Variants in BPIFB6 observed in about 807,000 individuals in gnomAD.
BPIFB6 encodes the protein BPI fold-containing family B member 6.
Under a neutral mutation model 54.7 loss-of-function variants are expected in BPIFB6, and 47 were observed. The ratio of observed to expected loss-of-function variants is 0.86; its 90% confidence interval spans 0.68 to 1.10. The LOEUF (loss-of-function observed/expected upper bound fraction) is 1.10, where lower values mean the gene tolerates loss of function less well. Among genes scored for constraint, BPIFB6 ranks in the 50% least tolerant of loss-of-function variants. The pLI is 0.00. For missense variants in BPIFB6, 603 were observed against 564.1 expected, an observed-to-expected ratio of 1.07 and a Z score of -0.70; for synonymous variants, 255 against 225.9, an observed-to-expected ratio of 1.13 and a Z score of -1.16.
intron 5 of BPIFB6, 123 bp downstream of exon 5, chr20:33,035,267 G>A: frequency 2.0e-6 from 2 of 1,013,846 alleles, no homozygotes; most frequent in Non-Finnish European, 3.0e-6. Flanking sequence ...AGGGTTCTGA[G>A]ACTGTGGCTG....
chr20:33,035,788 A>G, intron 6 of BPIFB6, 116 bp downstream of exon 6: 1 of 1,080,812 alleles, frequency 9.3e-7, no homozygotes, highest in Admixed American at 1.8e-5. Context: ...GGACTAGAGG[A>G]GGCTTGAGGT....
In BPIFB6 at chr20:33,037,558, A is replaced by G. The variant is rs1403487772; in HGVS notation, c.670-4A>G. 2 of 1,607,542 alleles carry G rather than the reference A, an allele frequency of 1.2e-6. No homozygotes were observed. The highest frequency in any genetic ancestry group is 1.7e-6 in the Non-Finnish European group (2 of 1,175,690). Reference sequence around the variant, plus strand: ...CTGAGTGTCTCCCTCCTGCTGCCCCATAGCCTGTGGTGCAGCAGCAAAAGG... The same window carrying G: ...CTGAGTGTCTCCCTCCTGCTGCCCCGTAGCCTGTGGTGCAGCAGCAAAAGG... On this transcript the variant is annotated splice_region_variant and splice_polypyrimidine_tract_variant and intron_variant, in intron 7 of 14. Coordinates refer to ENST00000349552, the MANE Select transcript of BPIFB6 (RefSeq NM_174897.2).
At position 33,042,746 on chromosome 20, in the gene BPIFB6, G is replaced by A. The variant is rs529301787; in HGVS notation, c.1189-69G>A. 2.8e-6 allele frequency: 4 copies of A among 1,446,282 alleles called. No homozygotes were observed. The East Asian group carries it at 9.1e-5, about 33-fold the overall frequency. 89.6% of individuals were successfully genotyped at this position (1,446,282 alleles called of 1,614,324 possible). Reference sequence around the variant, plus strand: ...GTGGTCCCCAGGCCTAGCCAGAGAGGGCTGAAAAGATCTGTTGAATGGTAT... The same window carrying A: ...GTGGTCCCCAGGCCTAGCCAGAGAGAGCTGAAAAGATCTGTTGAATGGTAT... On this transcript the variant is annotated intron_variant, in intron 12 of 14. Transcript: ENST00000349552.
downstream of BPIFB6, chr20:33,044,063 C>T: frequency 6.2e-7 from 1 of 1,614,126 alleles, no homozygotes; most frequent in Non-Finnish European, 8.5e-7. Context: ...GCAGGACTCC[C>T]CTGCCAGCTG....
At chr20:33,034,043 C>T (rs1979216406) in intron 2 of BPIFB6, 143 bp from the exon 3 acceptor site, 2 of 689,164 alleles carry the variant, frequency 2.9e-6, no homozygotes, top group African/African-American at 1.8e-5. Flanking sequence ...TTCATAATGG[C>T]CCCATGAATC....
intron 7 of BPIFB6, among the ~76,000 whole-genome samples, 171 bp downstream of exon 7, chr20:33,036,707 C>T (rs1979358053): frequency 6.6e-6 from 1 of 152,244 alleles, no homozygotes; most frequent in South Asian, 2.1e-4. Context: ...GCCTCTCCCT[C>T]TTTCTGCTCT....
Position 33,034,760 on chromosome 20 carries a change from C to T in BPIFB6, c.303-3C>T, listed in dbSNP as rs762004399. 1.9e-6 allele frequency: 3 copies of T among 1,604,012 alleles called. No individual in the cohort carries two copies. Among genetic ancestry groups the T allele is most frequent in the East Asian group, 4.5e-5 (2 of 44,590 alleles). ...CATGGTGCCCTCCTGCTCTGTCCTC[C>T]AGCTTCATGGGAGGGAACATGGAGA... On this transcript the variant is annotated splice_polypyrimidine_tract_variant and splice_region_variant and intron_variant, in intron 3 of 14. Transcript: ENST00000349552.
chr20:33,041,011 A>G (rs1979558716), intron 11 of BPIFB6, among the ~76,000 whole-genome samples: 2 of 134,306 alleles, frequency 1.5e-5, no homozygotes, highest in African/African-American at 5.6e-5. Flanking sequence ...TTTTTTTGAG[A>G]CAGAGTCTCG....
intron 9 of BPIFB6, 135 bp downstream of exon 9, chr20:33,039,097 T>G: frequency 2.6e-6 from 3 of 1,158,768 alleles, no homozygotes; most frequent in Non-Finnish European, 3.7e-6. Context: ...TCTTTTCTTC[T>G]TTATAAAGTA....
chr20:33,032,378 G>A (rs766987235), intron 1 of BPIFB6, among the ~76,000 whole-genome samples: 12 of 152,076 alleles, frequency 7.9e-5, no homozygotes, highest in Non-Finnish European at 1.6e-4. Flanking sequence ...GGTGTTACTT[G>A]GGGTTGGGTC....
At chr20:33,040,522 C>T (rs1979537344) in intron 11 of BPIFB6, among the ~76,000 whole-genome samples, 1 of 152,210 alleles carries the variant, frequency 6.6e-6, no homozygotes, top group South Asian at 2.1e-4. Context: ...GTACTCAAGG[C>T]CCTTCTCAAG....
chr20:33,035,197 A>G, intron 5 of BPIFB6, 53 bp downstream of exon 5: 1 of 1,569,504 alleles, frequency 6.4e-7, no homozygotes, highest in Non-Finnish European at 8.7e-7. Flanking sequence ...TGCTTAGGCC[A>G]GGGCTGGCAA....
intron 12 of BPIFB6, 79 bp downstream of exon 12, chr20:33,042,094 G>C (rs1166466201): frequency 6.8e-7 from 1 of 1,467,864 alleles, no homozygotes; most frequent in Admixed American, 1.7e-5. Flanking sequence ...ACAGGGCCGA[G>C]GCCCTGAAAT....
At chr20:33,043,269 T>A (rs757195828) in intron 13 of BPIFB6, 22 bp from the exon 14 acceptor site, 4 of 1,610,780 alleles carry the variant, frequency 2.5e-6, no homozygotes, top group Non-Finnish European at 3.4e-6. Flanking sequence ...CAGGCTGATA[T>A]GACTCTTACT....
In BPIFB6 at chr20:33,034,775, G is replaced by C. The variant is rs1979256145; in HGVS notation, c.315G>C (p.Gly105=). 7.4e-6 allele frequency: 12 copies of C among 1,610,786 alleles called. No individual in the cohort carries two copies. Among genetic ancestry groups the C allele is most frequent in the Non-Finnish European group, 1.0e-5 (12 of 1,177,666 alleles). The change falls in exon 4 of 15, where the codon GGG becomes GGC. Residue 105 remains glycine, a synonymous_variant. Coordinates refer to ENST00000349552, the MANE Select transcript of BPIFB6 (RefSeq NM_174897.2). ...CTCTGTCCTCCAGCTTCATGGGAGG[G>C]AACATGGAGATCATCGTGGCCCTGA... ...MTVTGKSFMG[G]NMEIIVALNI... is the part of the protein sequence containing the mutation.
At chr20:33,033,385 G>A (rs1043669555) in intron 2 of BPIFB6, 12 of 493,900 alleles carry the variant, frequency 2.4e-5, no homozygotes, top group Admixed American at 6.9e-5. Context: ...TTGAATGTAC[G>A]TGAAATTAAA....
chr20:33,043,620 G>A (rs150727508), intron 14 of BPIFB6, among the ~76,000 whole-genome samples: 2,014 of 152,176 alleles, frequency 0.013, 67 homozygotes, highest in Admixed American at 0.07. Flanking sequence ...TCCATTTTCC[G>A]GTGCATAAAA....
chr20:33,032,115 G>A (rs1568984352), intron 1 of BPIFB6, among the ~76,000 whole-genome samples: 1 of 152,142 alleles, frequency 6.6e-6, no homozygotes, highest in East Asian at 1.9e-4. Context: ...TCCCTGTGTT[G>A]CTGTTTGCTC....
At chr20:33,037,811 AT>A in intron 8 of BPIFB6, 73 bp downstream of exon 8, 1 of 1,534,052 alleles carries the variant, frequency 6.5e-7, no homozygotes, top group Non-Finnish European at 8.9e-7. Context: ...TTTTTCTATC[AT>A]GAAAATTATC....
Sources: gnomAD v4.1 joint callset for allele counts (sites outside exome capture counted in the v4.1 genomes callset) on GRCh38, gnomAD v4.1.1 for gene constraint, MANE v1.5 for transcripts, NCBI Gene and HGNC (gene_info 2026-07-23, HGNC 2026-07-21) for gene names.